The following USP47 variants were observed in gnomAD, a reference collection of about 807,000 sequenced individuals.
USP47 encodes the protein ubiquitin specific peptidase 47.
Under a neutral mutation model 165.1 loss-of-function variants are expected in USP47, and 35 were observed. That is an observed-to-expected ratio of 0.21 (90% CI 0.16 to 0.28). The LOEUF is 0.28. Among genes scored for constraint, USP47 ranks in the 10% least tolerant of loss-of-function variants. The pLI, the probability that USP47 is intolerant of heterozygous loss-of-function variation, is 1.00. For synonymous variants in USP47, 531 were observed against 544.5 expected (o/e 0.98, Z 0.35); for missense variants, 1,277 against 1,607.4 (o/e 0.79, Z 3.52).
Position 11,902,358 on chromosome 11 carries a change from G to A in USP47, c.594-357G>A, listed in dbSNP as rs143538718. Among the ~76,000 whole-genome samples, 762 of 152,202 alleles carry A rather than the reference G, an allele frequency of 5.0e-3. 1 individual carries two copies. Among genetic ancestry groups the A allele is most frequent in the Non-Finnish European group, 7.9e-3 (537 of 68,006 alleles). On this transcript the variant is annotated intron_variant, in intron 5 of 27. Transcript: ENST00000527733. ...GTTTGGGTTTTGATGGTTGTATGCC[G>A]TAGTATCTCACGTAATAGTATTCTT...
chr11:11,847,539 T>G (rs1184625096), intron 1 of USP47, among the ~76,000 whole-genome samples: 1 of 152,180 alleles, frequency 6.6e-6, no homozygotes, highest in Non-Finnish European at 1.5e-5. Flanking sequence ...CAATTCTTGG[T>G]GTTCTCCTGT....
chr11:11,888,461 A>G (rs917541560), intron 3 of USP47, among the ~76,000 whole-genome samples: 1 of 152,164 alleles, frequency 6.6e-6, no homozygotes, highest in Non-Finnish European at 1.5e-5. Flanking sequence ...GAAAATATGG[A>G]TAAATTCCTG....
At chr11:11,865,070 C>A (rs7925746) in intron 1 of USP47, among the ~76,000 whole-genome samples, 91,349 of 151,964 alleles carry the variant, frequency 0.6, 28,789 homozygotes, top group African/African-American at 0.78. Context: ...TAAATACTTG[C>A]AAAAATCTTT....
intron 1 of USP47, among the ~76,000 whole-genome samples, chr11:11,847,202 A>T (rs1201611930): frequency 6.6e-6 from 1 of 152,118 alleles, no homozygotes; most frequent in Admixed American, 6.5e-5. Context: ...TTTCATATTT[A>T]AAAATGAGCA....
At chr11:11,849,053 C>T (rs1234604964) in intron 1 of USP47, among the ~76,000 whole-genome samples, 5 of 152,164 alleles carry the variant, frequency 3.3e-5, no homozygotes, top group Non-Finnish European at 7.4e-5. Context: ...TATTGTCATA[C>T]TGCAAGTCGT....
At position 11,894,233 on chromosome 11, in the gene USP47, G is replaced by C. The variant is rs550460057; in HGVS notation, c.496+2127G>C. Among the ~76,000 whole-genome samples the C allele has an allele frequency of 2.6e-5, 4 of 152,272 alleles. 1 individual carries two copies. In the South Asian group the frequency reaches 8.3e-4, roughly 32 times the overall value. ...TCACTTTGGGAGGCCGAGGTGGGCA[G>C]ATCACCTGAGGTCAGGGTTTGAGAC... On this transcript the variant is annotated intron_variant, in intron 4 of 27. Transcript: ENST00000527733.
chr11:11,954,245 G>T (rs1038404516), intron 25 of USP47, among the ~76,000 whole-genome samples: 4 of 152,040 alleles, frequency 2.6e-5, no homozygotes, highest in Non-Finnish European at 5.9e-5. Flanking sequence ...GTGAGACTCT[G>T]TCTCAAGAAA....
At chr11:11,938,426 G>A in intron 18 of USP47, 54 bp downstream of exon 18, 1 of 1,309,712 alleles carries the variant, frequency 7.6e-7, no homozygotes, top group East Asian at 2.4e-5. Flanking sequence ...CTATGTACAA[G>A]ACACACTATG....
chr11:11,930,675 T>C, intron 13 of USP47, 21 bp from the exon 14 acceptor site: 2 of 1,572,352 alleles, frequency 1.3e-6, no homozygotes, highest in South Asian at 1.2e-5. Context: ...TCCTTATTAA[T>C]CTTTTTTATG....
chr11:11,927,984 A>C (rs1854376794), intron 11 of USP47, among the ~76,000 whole-genome samples: 1 of 152,048 alleles, frequency 6.6e-6, no homozygotes, highest in Non-Finnish European at 1.5e-5. Context: ...TTGGAAGGTG[A>C]TTCAGTCTTC....
intron 1 of USP47, among the ~76,000 whole-genome samples, chr11:11,852,180 T>C (rs1479007633): frequency 6.6e-6 from 1 of 152,228 alleles, no homozygotes; most frequent in Non-Finnish European, 1.5e-5. Context: ...CATCTATCTG[T>C]GATCTTGCCT....
intron 11 of USP47, among the ~76,000 whole-genome samples, chr11:11,925,199 C>G (rs554546490): frequency 6.7e-6 from 1 of 150,224 alleles, no homozygotes; most frequent in Non-Finnish European, 1.5e-5. Flanking sequence ...GTTCCACCTC[C>G]CAAGTTCACG....
intron 4 of USP47, among the ~76,000 whole-genome samples, chr11:11,894,349 G>A (rs1225112194): frequency 6.6e-6 from 1 of 151,980 alleles, no homozygotes; most frequent in African/African-American, 2.4e-5. Context: ...CCAGCTACTC[G>A]GGAGGCTGAG....
chr11:11,875,921 A>G (rs955445184), intron 1 of USP47, among the ~76,000 whole-genome samples: 4 of 152,234 alleles, frequency 2.6e-5, no homozygotes, highest in African/African-American at 7.2e-5. Context: ...TTTTTTAAAA[A>G]GGATTTTTTT....
chr11:11,952,017 A>T (rs1216591497), intron 24 of USP47: 4 of 152,162 alleles, frequency 2.6e-5, no homozygotes, highest in East Asian at 1.9e-4. Context: ...TCACATCAAG[A>T]TAGTTGAGTA....
At chr11:11,905,261 A>G (rs1460246654) in intron 7 of USP47, 138 bp from the exon 8 acceptor site, 11 of 305,198 alleles carry the variant, frequency 3.6e-5, no homozygotes, top group Admixed American at 5.3e-5. Context: ...ATAAATATAG[A>G]TAAATATTAA....
chr11:11,873,258 C>T (rs917807552), intron 1 of USP47, among the ~76,000 whole-genome samples: 2 of 151,940 alleles, frequency 1.3e-5, no homozygotes. Context: ...GATGTAAAAT[C>T]AAGATTTTTC....
At chr11:11,898,121 ATGTGCGTGTG>A (rs1393597459) in intron 5 of USP47, among the ~76,000 whole-genome samples, 9 of 141,646 alleles carry the variant, frequency 6.4e-5, no homozygotes, top group East Asian at 4.0e-4. Flanking sequence ...AGCTTGTTTC[ATGTGCGTGTG>A]TGTGCGTGTG....
Position 11,897,685 on chromosome 11 carries a change from A to G in USP47, c.585A>G (p.Ala195=). 2 of 1,602,830 alleles carry G rather than the reference A, an allele frequency of 1.2e-6. No individual in the cohort carries two copies. The highest frequency in any genetic ancestry group is 2.2e-5 in the East Asian group (1 of 44,664). ...TLFMTPEFRN[A]LYKWEFEESE... is the part of the protein sequence containing the mutation. Reference sequence around the variant, plus strand: ...TTATGACTCCTGAATTTAGGAATGCATTATATAAGTGAGTATTCAAAAAAA... The same window carrying G: ...TTATGACTCCTGAATTTAGGAATGCGTTATATAAGTGAGTATTCAAAAAAA... The change falls in exon 5 of 28, where the codon GCA becomes GCG. Residue 195 remains alanine, a synonymous_variant. Transcript: ENST00000527733.
Sources: gnomAD v4.1 joint callset for allele counts (sites outside exome capture counted in the v4.1 genomes callset) on GRCh38, gnomAD v4.1.1 for gene constraint, MANE v1.5 for transcripts, NCBI Gene and HGNC (gene_info 2026-07-23, HGNC 2026-07-21) for gene names.